ARHGAP18: variants seen among roughly 807,000 people sequenced by gnomAD.
The protein encoded by ARHGAP18 is rho GTPase-activating protein 18.
ARHGAP18 carries 67 observed loss-of-function variants against 86.2 expected under a neutral mutation model. That is an observed-to-expected ratio of 0.78 (90% CI 0.64 to 0.95). The LOEUF is 0.95. ARHGAP18 is among the 40% of genes least tolerant of loss of function. The pLI, the probability that ARHGAP18 is intolerant of heterozygous loss-of-function variation, is 0.00. For synonymous variants in ARHGAP18, 283 were observed against 280.4 expected (o/e 1.01, Z -0.09); for missense variants, 691 against 780.4 (o/e 0.89, Z 1.37).
At chr6:129,696,882 A>T (rs1468634465) in intron 1 of ARHGAP18, among the ~76,000 whole-genome samples, 1 of 152,182 alleles carries the variant, frequency 6.6e-6, no homozygotes, top group East Asian at 1.9e-4. Flanking sequence ...GCTTTTCACC[A>T]AAGATAACCA....
Position 129,638,464 on chromosome 6 carries a change from TTCCTCAAGG to T in ARHGAP18, c.473_481del (p.Thr158_Arg160del), listed in dbSNP as rs769082558. On this transcript the variant is annotated inframe_deletion, in exon 3 of 15. Coordinates refer to ENST00000368149, the MANE Select transcript of ARHGAP18 (RefSeq NM_033515.3). ...AGGAATCTGGTACTGTTTGTTTTTT[TTCCTCAAGG>T]TCTGGGAGACCGTCTCTACTCGCTT... The T allele has an allele frequency of 6.2e-7, 1 of 1,614,216 alleles. No homozygotes were observed. The highest frequency in any genetic ancestry group is 8.5e-7 in the Non-Finnish European group (1 of 1,180,032).
At chr6:129,580,172 C>G (rs1173644524) in intron 13 of ARHGAP18, 41 bp from the exon 14 acceptor site, 1 of 1,559,776 alleles carries the variant, frequency 6.4e-7, no homozygotes, top group Admixed American at 1.7e-5. Context: ...TATCATCAAA[C>G]AGCTTGCAAG....
intron 1 of ARHGAP18, among the ~76,000 whole-genome samples, chr6:129,697,583 A>C (rs1256499192): frequency 6.6e-6 from 1 of 152,202 alleles, no homozygotes; most frequent in Non-Finnish European, 1.5e-5. Flanking sequence ...TTCTTCTGTA[A>C]ATAAACCTTG....
intron 3 of ARHGAP18, among the ~76,000 whole-genome samples, chr6:129,635,516 G>A (rs914201109): frequency 1.3e-5 from 2 of 152,232 alleles, no homozygotes; most frequent in African/African-American, 2.4e-5. Context: ...GGCACAATGA[G>A]CAGAGTGATT....
In ARHGAP18 at chr6:129,611,557, G is replaced by T; in HGVS notation, c.1098C>A (p.Ile366=). Residue 366 remains isoleucine (I), a synonymous_variant, in exon 8 of 15, where the codon ATC becomes ATA. Transcript: ENST00000368149. The part of the protein sequence containing the change: ...RGLETEGLLR[I]PGAAIRIKNL... ...CCTTGATTCTAATGGCAGCTCCAGG[G>T]ATCCGTAAGAGGCCTTCTGTTTCCA... The T allele has an allele frequency of 3.1e-6, 5 of 1,613,752 alleles. No individual in the cohort carries two copies. In the South Asian group the frequency reaches 5.5e-5, roughly 18 times the overall value.
At chr6:129,683,106 G>C (rs556659347) in intron 1 of ARHGAP18, among the ~76,000 whole-genome samples, 58 of 141,488 alleles carry the variant, frequency 4.1e-4, no homozygotes, top group Non-Finnish European at 8.0e-4. Flanking sequence ...GAGTCTCGCT[G>C]TGTCACCCAG....
intron 1 of ARHGAP18, among the ~76,000 whole-genome samples, chr6:129,648,217 G>A (rs1773619201): frequency 6.6e-6 from 1 of 151,288 alleles, no homozygotes; most frequent in Non-Finnish European, 1.5e-5. Context: ...TGTCTCCCAG[G>A]CTGAAGTGCA....
At chr6:129,614,798 A>C (rs1006634670) in intron 7 of ARHGAP18, among the ~76,000 whole-genome samples, 4 of 151,630 alleles carry the variant, frequency 2.6e-5, no homozygotes, top group African/African-American at 9.7e-5. Flanking sequence ...TGAATAATGA[A>C]AATTATTTAA....
chr6:129,667,284 G>C (rs748398451), intron 1 of ARHGAP18, among the ~76,000 whole-genome samples: 1 of 151,984 alleles, frequency 6.6e-6, no homozygotes, highest in Non-Finnish European at 1.5e-5. Context: ...TTTTAGAACA[G>C]TGACATCTCT....
chr6:129,627,205 T>A (rs1278988593), intron 5 of ARHGAP18, among the ~76,000 whole-genome samples: 2 of 152,094 alleles, frequency 1.3e-5, no homozygotes, highest in Non-Finnish European at 2.9e-5. Flanking sequence ...AGGTGAAAAC[T>A]GTTAATAAGT....
At chr6:129,599,447 A>T (rs1195901187) in intron 11 of ARHGAP18, 91 bp from the exon 12 acceptor site, 1 of 1,154,472 alleles carries the variant, frequency 8.7e-7, no homozygotes, top group Admixed American at 3.6e-5. Context: ...AAATTTCAAA[A>T]ACAGTAAAGA....
intron 8 of ARHGAP18, among the ~76,000 whole-genome samples, chr6:129,609,525 G>A (rs931779116): frequency 3.9e-5 from 6 of 152,164 alleles, no homozygotes; most frequent in East Asian, 3.8e-4. Flanking sequence ...CTTTGAACTC[G>A]GTGAATTGAG....
chr6:129,677,107 T>A (rs1774248962), intron 1 of ARHGAP18, among the ~76,000 whole-genome samples: 1 of 151,936 alleles, frequency 6.6e-6, no homozygotes, highest in African/African-American at 2.4e-5. Flanking sequence ...AAGTTGCTTA[T>A]GTTGGCCGGG....
intron 9 of ARHGAP18, 29 bp from the exon 10 acceptor site, chr6:129,605,988 CTT>C (rs1788845956): frequency 8.8e-6 from 14 of 1,595,778 alleles, no homozygotes; most frequent in African/African-American, 1.3e-5. Flanking sequence ...AATCTGAACT[CTT>C]TTCTTCAGTG....
chr6:129,629,669 T>C, intron 4 of ARHGAP18, 147 bp from the exon 5 acceptor site: 2 of 817,296 alleles, frequency 2.4e-6, no homozygotes, highest in Non-Finnish European at 3.7e-6. Context: ...CTAAAGAGTA[T>C]ACTCAAGAAT....
chr6:129,658,013 A>G (rs919545863), intron 1 of ARHGAP18, among the ~76,000 whole-genome samples: 7 of 152,220 alleles, frequency 4.6e-5, no homozygotes, highest in African/African-American at 1.7e-4. Flanking sequence ...TAATGTTTCC[A>G]GAAAAAGTGT....
chr6:129,638,390 C>T lies in ARHGAP18; in HGVS notation c.552+4G>A, dbSNP rs770726081. On this transcript the variant is annotated splice_donor_region_variant and intron_variant, in intron 3 of 14. Transcript: ENST00000368149. ...TTGCCTTAACATCAAAAAAGAAAAC[C>T]TACTGTTTCTTTTGATTCTCTCTGT... 1 of 1,610,800 alleles carries T rather than the reference C, an allele frequency of 6.2e-7. No homozygotes were observed. Among genetic ancestry groups the T allele is most frequent in the East Asian group, 2.2e-5 (1 of 44,854 alleles).
At chr6:129,706,774 C>A (rs1226411558) in intron 1 of ARHGAP18, among the ~76,000 whole-genome samples, 1 of 150,050 alleles carries the variant, frequency 6.7e-6, no homozygotes, top group Non-Finnish European at 1.5e-5. Context: ...GTAATCCCAG[C>A]TGCTTGGGAG....
Position 129,683,455 on chromosome 6 carries a change from G to A in ARHGAP18, c.113+26569C>T, listed in dbSNP as rs896918396. ...CTGCCAAGTACGGGCTTTTTTTCCC[G>A]TAGAAATGAAAAACTATATCTACTT... On this transcript the variant is annotated intron_variant, in intron 1 of 14. Transcript: ENST00000368149. Among the ~76,000 whole-genome samples the A allele has an allele frequency of 7.2e-5, 11 of 152,126 alleles. No individual in the cohort carries two copies. In the South Asian group the frequency reaches 8.3e-4, roughly 11 times the overall value.
Sources: allele counts gnomAD v4.1 joint callset (sites outside exome capture counted in the v4.1 genomes callset), GRCh38; gene constraint gnomAD v4.1.1; transcripts MANE v1.5; gene names NCBI Gene and HGNC (gene_info 2026-07-23, HGNC 2026-07-21).